ZNF273: variants seen among roughly 807,000 people sequenced by gnomAD.
ZNF273 encodes zinc finger protein 9.
In ZNF273, 11 loss-of-function variants were observed where a neutral mutation model predicts 14.9. That is an observed-to-expected ratio of 0.74 (90% CI 0.46 to 1.22). ZNF273 has a LOEUF of 1.22. ZNF273 is among the 50% of genes most tolerant of loss of function. The pLI is 0.00. For synonymous variants in ZNF273, 199 were observed against 223.9 expected (o/e 0.89, Z 0.99); for missense variants, 577 against 660.6 (o/e 0.87, Z 1.39).
Position 64,916,544 on chromosome 7 carries a change from A to C in ZNF273, c.103-1037A>C, listed in dbSNP as rs1169834245. 3.1e-4 allele frequency among the ~76,000 whole-genome samples: 11 copies of C among 35,442 alleles called. No individual in the cohort carries two copies. The East Asian group carries it at 6.3e-3, about 20-fold the overall frequency. The allele number at this position is 35,442 out of a possible 152,430, so 23.3% of individuals were successfully genotyped here. Reference sequence around the variant, plus strand: ...TGGGCAAGGGAGCAAAACTGTCTCAAAAAAAAAAAAAAAAAAAAAAACCAT... The same window carrying C: ...TGGGCAAGGGAGCAAAACTGTCTCACAAAAAAAAAAAAAAAAAAAAACCAT... On this transcript the variant is annotated intron_variant, in intron 1 of 3. Coordinates refer to ENST00000476120, the MANE Select transcript of ZNF273 (RefSeq NM_021148.3).
chr7:64,912,788 A>AACC (rs1793614614), intron 1 of ZNF273, among the ~76,000 whole-genome samples: 1 of 124,690 alleles, frequency 8.0e-6, no homozygotes, highest in African/African-American at 2.9e-5. Context: ...CAGCTAAATA[A>AACC]ACCCTTTGTT....
At chr7:64,914,535 C>G (rs1472236473) in intron 1 of ZNF273, among the ~76,000 whole-genome samples, 1 of 152,022 alleles carries the variant, frequency 6.6e-6, no homozygotes, top group Non-Finnish European at 1.5e-5. Context: ...TAATTTCTGC[C>G]TTTGTACTAA....
At chr7:64,936,393 C>T in the ZNF273 span, among the ~76,000 whole-genome samples, 2 of 152,108 alleles carry the variant, frequency 1.3e-5, no homozygotes, top group African/African-American at 2.4e-5. Context: ...CACTGGGCAC[C>T]TTCTTCTGCC....
At chr7:64,907,161 T>G (rs1458967521) in intron 1 of ZNF273, among the ~76,000 whole-genome samples, 1 of 152,150 alleles carries the variant, frequency 6.6e-6, no homozygotes, top group Non-Finnish European at 1.5e-5. Flanking sequence ...AGCTGTTTTT[T>G]GTTTGTTTGT....
chr7:64,907,353 A>G (rs1287519325), intron 1 of ZNF273, among the ~76,000 whole-genome samples: 4 of 152,182 alleles, frequency 2.6e-5, no homozygotes, highest in Non-Finnish European at 5.9e-5. Flanking sequence ...TATGTGCTTC[A>G]TCTTTCCCCA....
upstream of ZNF273, among the ~76,000 whole-genome samples, chr7:64,898,397 G>A (rs1792491003): frequency 6.6e-6 from 1 of 152,100 alleles, no homozygotes; most frequent in African/African-American, 2.4e-5. Context: ...GTACTCGCGT[G>A]CCAAACGCTG....
At position 64,914,989 on chromosome 7, in the gene ZNF273, A is replaced by C. The variant is rs1352443750; in HGVS notation, c.103-2592A>C. Among the ~76,000 whole-genome samples the C allele has an allele frequency of 2.7e-5, 4 of 148,488 alleles. No individual in the cohort carries two copies. The East Asian group carries it at 8.0e-4, about 30-fold the overall frequency. On this transcript the variant is annotated intron_variant, in intron 1 of 3. Transcript: ENST00000476120. ...GAGCTGTGTCCACTCTGCCTCCTGG[A>C]ATGCCATGCGTTTAGTACTTGTAAA...
chr7:64,894,706 C>T (rs968959110), downstream of ZNF273, among the ~76,000 whole-genome samples: 10 of 151,340 alleles, frequency 6.6e-5, no homozygotes, highest in Non-Finnish European at 1.2e-4. Flanking sequence ...AATAAAATAC[C>T]AACTATTTTA....
intron 1 of ZNF273, among the ~76,000 whole-genome samples, chr7:64,910,900 G>A (rs1793463228): frequency 6.6e-6 from 1 of 151,626 alleles, no homozygotes. Flanking sequence ...TAAGTAGCTG[G>A]GATTACAAGC....
chr7:64,928,020 T>TTTCTACAAATGTAGAATTTGTA lies in ZNF273; in HGVS notation c.692_693insTTCTACAAATGTAGAATTTGTA (p.Asn232SerfsTer13). On this transcript the variant is annotated frameshift_variant, in exon 4 of 4. Coordinates refer to ENST00000476120, the MANE Select transcript of ZNF273 (RefSeq NM_021148.3). LOFTEE classifies it low-confidence loss of function (END_TRUNC). The stretch of plus-strand genomic sequence containing the variant: ...CAGCATAAGAAAACTGCTACTAGAG[T>TTTCTACAAATGTAGAATTTGTA]GAATTTCTACAAATGTAAGACATGT... The TTTCTACAAATGTAGAATTTGTA allele has an allele frequency of 6.2e-7, 1 of 1,606,666 alleles. No individual in the cohort carries two copies. Among genetic ancestry groups the TTTCTACAAATGTAGAATTTGTA allele is most frequent in the Non-Finnish European group, 8.5e-7 (1 of 1,177,016 alleles).
At position 64,929,858 on chromosome 7, in the gene ZNF273, T is replaced by TTTTGTTTG. The variant is rs201254174; in HGVS notation, c.*836_*843dup. 2.7e-5 allele frequency: 4 copies of TTTTGTTTG among 150,698 alleles called. No homozygotes were observed. Among genetic ancestry groups the TTTTGTTTG allele is most frequent in the African/African-American group, 1.0e-4 (4 of 39,766 alleles). The allele number at this position is 150,698 out of a possible 1,614,324, so 9.3% of individuals were successfully genotyped here. A position where few individuals can be genotyped will look rare whatever the true frequency, so the allele number is the denominator to read the frequency against. ...TTTTTTTTGGTTTTGGTTTTGGGTT[T>TTTTGTTTG]TTTGTTTGTTTGTTTGTTTGTTTTT... is the stretch of plus-strand genomic sequence containing the variant. On this transcript the variant is annotated 3_prime_UTR_variant, in exon 4 of 4. Coordinates refer to ENST00000476120, the MANE Select transcript of ZNF273 (RefSeq NM_021148.3).
intron 3 of ZNF273, among the ~76,000 whole-genome samples, chr7:64,895,062 A>C (rs556030013): frequency 3.9e-5 from 6 of 152,102 alleles, no homozygotes; most frequent in African/African-American, 1.4e-4. Context: ...ACTTGAACCC[A>C]GGAGGCAGAG....
At chr7:64,933,706 A>G (rs138963856), downstream of ZNF273, 8 of 152,344 alleles carry the variant, frequency 5.3e-5, no homozygotes, top group East Asian at 1.5e-3. Context: ...TGAAACAGAC[A>G]CAGTATTTGA....
intron 1 of ZNF273, among the ~76,000 whole-genome samples, chr7:64,887,921 G>C (rs147266595): frequency 6.6e-6 from 1 of 152,050 alleles, no homozygotes. Context: ...ACCCTTGTGC[G>C]AATCCAGAAC....
rs1013340124 is a variant in ZNF273 at position 64,921,305 on chromosome 7, G to A, written c.325+3013G>A. Among the ~76,000 whole-genome samples, 10 of 151,776 alleles carry A rather than the reference G, an allele frequency of 6.6e-5. No homozygotes were observed. In the East Asian group the frequency reaches 7.8e-4, roughly 12 times the overall value. ...TCTCGAACTCCTGACCTCGTGATCC[G>A]CCCACCTCAGCCTCACAAAGTGCTG... On this transcript the variant is annotated intron_variant, in intron 3 of 3. Transcript: ENST00000476120.
downstream of ZNF273, among the ~76,000 whole-genome samples, chr7:64,933,112 C>T (rs898040483): frequency 6.6e-6 from 1 of 152,168 alleles, no homozygotes. Context: ...GCTAGGATTA[C>T]AGGCACCTGC....
downstream of ZNF273, chr7:64,889,364 G>T (rs1791818248): frequency 2.1e-6 from 2 of 967,670 alleles, no homozygotes; most frequent in Non-Finnish European, 2.5e-6. This position sits in a 1 kb window ranked among gnomAD's most constrained non-coding sequence, Gnocchi z 4.2. Context: ...CTGAGGGTCC[G>T]GCCCGGGGTC....
chr7:64,912,826 G>GTTTTTTGTTTTTTTTTT, intron 1 of ZNF273, among the ~76,000 whole-genome samples: 1 of 36,568 alleles, frequency 2.7e-5, no homozygotes, highest in African/African-American at 8.2e-5. Flanking sequence ...ATTCATTTTA[G>GTTTTTTGTTTTTTTTTT]TTTTTTTTTT....
intron 3 of ZNF273, among the ~76,000 whole-genome samples, chr7:64,922,549 T>A (rs1024977066): frequency 1.3e-5 from 2 of 151,970 alleles, no homozygotes; most frequent in Non-Finnish European, 2.9e-5. Context: ...TGACCTCAAG[T>A]GATCCTCCTG....
Sources: gnomAD v4.1 joint callset for allele counts (sites outside exome capture counted in the v4.1 genomes callset) on GRCh38, gnomAD v4.1.1 for gene constraint, Gnocchi (gnomAD v3.1) non-coding constraint, MANE v1.5 for transcripts, NCBI Gene and HGNC (gene_info 2026-07-23, HGNC 2026-07-21) for gene names.